Variants in EEFSEC observed in about 807,000 individuals in gnomAD.
The protein encoded by EEFSEC is selenocysteine-specific elongation factor.
In EEFSEC, 43 loss-of-function variants were observed where a neutral mutation model predicts 42.1. The ratio of observed to expected loss-of-function variants is 1.02; its 90% confidence interval spans 0.80 to 1.32. The LOEUF is 1.32. EEFSEC is among the 40% of genes most tolerant of loss of function. EEFSEC has a pLI of 0.00. For synonymous variants in EEFSEC, 354 were observed against 339.1 expected (o/e 1.04, Z -0.48); for missense variants, 745 against 803.6 (o/e 0.93, Z 0.88).
At chr3:128,344,444 G>T (rs77255310) in intron 5 of EEFSEC, among the ~76,000 whole-genome samples, 2,266 of 152,304 alleles carry the variant, frequency 0.015, 57 homozygotes, top group African/African-American at 0.05. Context: ...TAATTATTCA[G>T]TGTAAGGAAG....
intron 5 of EEFSEC, among the ~76,000 whole-genome samples, chr3:128,357,357 G>A (rs541286919): frequency 2.6e-5 from 4 of 152,394 alleles, no homozygotes; most frequent in African/African-American, 9.6e-5. Flanking sequence ...TCACAGACAT[G>A]TGTGTCCCTC....
intron 6 of EEFSEC, among the ~76,000 whole-genome samples, chr3:128,404,278 A>C (rs545822589): frequency 6.6e-6 from 1 of 152,348 alleles, no homozygotes; most frequent in East Asian, 1.9e-4. Flanking sequence ...CCAGTCCATA[A>C]TAGAGCAGAG....
At chr3:128,208,017 G>A (rs184661668) in intron 1 of EEFSEC, among the ~76,000 whole-genome samples, 3 of 152,050 alleles carry the variant, frequency 2.0e-5, no homozygotes, top group Non-Finnish European at 4.4e-5. Flanking sequence ...TTTTTCCTTT[G>A]GTAAATGCCA....
At chr3:128,210,252 C>G (rs2065742645) in intron 1 of EEFSEC, among the ~76,000 whole-genome samples, 1 of 152,196 alleles carries the variant, frequency 6.6e-6, no homozygotes, top group Admixed American at 6.5e-5. Flanking sequence ...TTGGCTTGGT[C>G]TCCTGGAGAG....
chr3:128,362,526 A>C (rs2067539885), intron 6 of EEFSEC, among the ~76,000 whole-genome samples: 1 of 152,262 alleles, frequency 6.6e-6, no homozygotes, highest in Admixed American at 6.5e-5. Flanking sequence ...GCCCAAATTC[A>C]TGATAGGTGG....
chr3:128,336,419 G>A (rs550832581), intron 4 of EEFSEC, among the ~76,000 whole-genome samples: 1 of 152,218 alleles, frequency 6.6e-6, no homozygotes, highest in African/African-American at 2.4e-5. Context: ...CCGCAAACTG[G>A]CAGTGTCATT....
chr3:128,307,639 C>T (rs983119374), intron 4 of EEFSEC, among the ~76,000 whole-genome samples: 14 of 152,178 alleles, frequency 9.2e-5, no homozygotes, highest in African/African-American at 2.4e-4. Context: ...CTGCTTTATT[C>T]GCAACAAGAA....
the EEFSEC span, among the ~76,000 whole-genome samples, chr3:128,422,722 G>A: frequency 4.6e-5 from 7 of 152,200 alleles, no homozygotes; most frequent in African/African-American, 1.4e-4. Flanking sequence ...GAAACATCCC[G>A]TCCCCTGACA....
At chr3:128,373,238 G>C (rs766026324) in intron 6 of EEFSEC, among the ~76,000 whole-genome samples, 3 of 152,234 alleles carry the variant, frequency 2.0e-5, no homozygotes, top group African/African-American at 7.2e-5. Flanking sequence ...CTGGGAGCCA[G>C]TGGAGTGTGG....
intron 4 of EEFSEC, among the ~76,000 whole-genome samples, chr3:128,273,365 G>GGAACTCAGGAAGACTTC (rs370803879): frequency 0.016 from 2,371 of 152,268 alleles, 43 homozygotes; most frequent in African/African-American, 0.053. Flanking sequence ...CAGGAGGCAG[G>GGAACTCAGGAAGACTTC]GAACTCAGGA....
chr3:128,318,162 G>C (rs536935790), intron 4 of EEFSEC, among the ~76,000 whole-genome samples: 21 of 152,300 alleles, frequency 1.4e-4, no homozygotes, highest in Middle Eastern at 3.4e-3. Context: ...CATGAAGCTT[G>C]CATGGCGCCC....
In EEFSEC at chr3:128,235,359, G is replaced by A. The variant is rs150012484; in HGVS notation, c.317-11477G>A. ...GCTGGGATTATAGGCCTGAGCCACC[G>A]CGCCCAGCCTGAAGCTTTACTTTTA... is the stretch of plus-strand genomic sequence containing the variant. On this transcript the variant is annotated intron_variant, in intron 1 of 6. Coordinates refer to ENST00000254730, the MANE Select transcript of EEFSEC (RefSeq NM_021937.5). 2.9e-3 allele frequency among the ~76,000 whole-genome samples: 448 copies of A among 152,124 alleles called. 1 individual carries two copies. The highest frequency in any genetic ancestry group is 0.011 in the African/African-American group (436 of 41,502).
At chr3:128,209,061 A>G (rs950293832) in intron 1 of EEFSEC, among the ~76,000 whole-genome samples, 2 of 152,218 alleles carry the variant, frequency 1.3e-5, no homozygotes, top group Non-Finnish European at 2.9e-5. Flanking sequence ...AAAGGAGAAC[A>G]TTCTAGGCCA....
At chr3:128,330,637 G>A (rs1329774901) in intron 4 of EEFSEC, among the ~76,000 whole-genome samples, 3 of 152,058 alleles carry the variant, frequency 2.0e-5, no homozygotes, top group African/African-American at 7.3e-5. Context: ...GTTCCTGTGG[G>A]GCTCCAGGTA....
At chr3:128,247,218 G>C (rs1018728001) in intron 2 of EEFSEC, among the ~76,000 whole-genome samples, 175 bp downstream of exon 2, 1 of 152,152 alleles carries the variant, frequency 6.6e-6, no homozygotes, top group African/African-American at 2.4e-5. Flanking sequence ...AAAGGCTAAC[G>C]TGTTTTTAAA....
chr3:128,349,190 G>A (rs1034339659), intron 5 of EEFSEC, among the ~76,000 whole-genome samples: 2 of 152,144 alleles, frequency 1.3e-5, no homozygotes, highest in Non-Finnish European at 2.9e-5. Context: ...GCTTAAAGAG[G>A]CAGGCAGGGC....
intron 2 of EEFSEC, among the ~76,000 whole-genome samples, chr3:128,258,998 T>A (rs1251793390): frequency 1.3e-5 from 2 of 152,318 alleles, no homozygotes; most frequent in East Asian, 3.9e-4. Flanking sequence ...CATTAGCCTG[T>A]GGCCTGGAAC....
At chr3:128,369,802 T>G (rs1284529973) in intron 6 of EEFSEC, among the ~76,000 whole-genome samples, 1 of 152,222 alleles carries the variant, frequency 6.6e-6, no homozygotes, top group African/African-American at 2.4e-5. Flanking sequence ...GCTTCAACAA[T>G]TGCTCCGTGT....
chr3:128,366,342 T>G (rs2107599590), intron 6 of EEFSEC, among the ~76,000 whole-genome samples: 1 of 152,382 alleles, frequency 6.6e-6, no homozygotes, highest in South Asian at 2.1e-4. Flanking sequence ...AGGCAGGGCC[T>G]GAGGCTGAGA....
Sources: gnomAD v4.1 joint callset for allele counts (sites outside exome capture counted in the v4.1 genomes callset) on GRCh38, gnomAD v4.1.1 for gene constraint, MANE v1.5 for transcripts, NCBI Gene and HGNC (gene_info 2026-07-23, HGNC 2026-07-21) for gene names.